EGFR: variants seen among roughly 807,000 people sequenced by gnomAD.
The protein encoded by EGFR is epidermal growth factor receptor, also known as avian erythroblastic leukemia viral (v-erb-b) oncogene homolog.
EGFR carries 58 observed loss-of-function variants against 143.0 expected under a neutral mutation model. The ratio of observed to expected loss-of-function variants is 0.41; its 90% CI spans 0.33 to 0.50. The LOEUF (loss-of-function observed/expected upper bound fraction) is 0.50. EGFR is among the 20% of genes least tolerant of loss of function. The pLI is 0.39. For synonymous variants in EGFR, 613 were observed against 594.4 expected (o/e 1.03, Z -0.45); for missense variants, 1,307 against 1,579.0 (o/e 0.83, Z 2.92).
At chr7:55,114,560 C>A (rs4947976) in intron 1 of EGFR, among the ~76,000 whole-genome samples, 76,120 of 151,936 alleles carry the variant, frequency 0.5, 19,900 homozygotes, top group East Asian at 0.69. Flanking sequence ...AATTTTATAT[C>A]TATGTATACA....
rs956194114 is a variant in EGFR at position 55,201,049 on chromosome 7, G to C, written c.2947-139G>C. On this transcript the variant is annotated intron_variant, in intron 24 of 27. Transcript: ENST00000275493. ...CATGAGGGGAGGCAGCTATAATTTA[G>C]AGAACCAAGGGGGATTTCATTATAA... 4.8e-6 allele frequency: 5 copies of C among 1,052,054 alleles called. No individual in the cohort carries two copies. The Admixed American group carries it at 9.7e-5, about 20-fold the overall frequency. 65.2% of individuals were successfully genotyped at this position (1,052,054 alleles called of 1,614,324 possible). A position where few individuals can be genotyped will look rare whatever the true frequency, so the allele number is the denominator to read the frequency against.
At chr7:55,115,689 C>T (rs1164399975) in intron 1 of EGFR, among the ~76,000 whole-genome samples, 1 of 152,142 alleles carries the variant, frequency 6.6e-6, no homozygotes. Flanking sequence ...GACCCAGTGA[C>T]TTACCTATGC....
At chr7:55,110,610 G>A (rs1792418485) in intron 1 of EGFR, among the ~76,000 whole-genome samples, 1 of 152,248 alleles carries the variant, frequency 6.6e-6, no homozygotes, top group Admixed American at 6.5e-5. Flanking sequence ...AAGTTCATAG[G>A]AGACTGTGTG....
At chr7:55,064,464 A>T (rs529463972) in intron 1 of EGFR, among the ~76,000 whole-genome samples, 1 of 152,374 alleles carries the variant, frequency 6.6e-6, no homozygotes, top group African/African-American at 2.4e-5. Context: ...ACTGTTTCAG[A>T]GTCCATTTTC....
chr7:55,036,277 G>C (rs897045124), intron 1 of EGFR, among the ~76,000 whole-genome samples: 4 of 93,718 alleles, frequency 4.3e-5, no homozygotes, highest in Admixed American at 1.2e-4. Flanking sequence ...TGTGTGGGGG[G>C]GGGGGGGTGG....
Position 55,198,848 on chromosome 7 carries a change from A to G in EGFR, c.2833A>G (p.Met945Val), listed in dbSNP as rs779164024. Residue 945 changes from methionine to valine, a missense_variant, in exon 23 of 28, where the codon ATG (methionine) becomes GTG (valine). By Grantham distance (21) the Met-to-Val change is conservative. This residue lies in a region of EGFR where 348 missense variants were observed against 451.5 expected (regional missense o/e 0.77). Coordinates refer to ENST00000275493, the MANE Select transcript of EGFR (RefSeq NM_005228.5). ...ACCCATATGTACCATCGATGTCTACATGATCATGGTCAAGTGTGAGTGACT... is the reference window on the plus strand; with the variant it reads ...ACCCATATGTACCATCGATGTCTACGTGATCATGGTCAAGTGTGAGTGACT... Reference protein sequence around the residue: ...QPPICTIDVYMIMVKCWMIDA... With the variant: ...QPPICTIDVYVIMVKCWMIDA... 5 of 1,614,192 alleles carry G rather than the reference A, an allele frequency of 3.1e-6. No individual in the cohort carries two copies. The highest frequency in any genetic ancestry group is 3.4e-6 in the Non-Finnish European group (4 of 1,180,026).
At chr7:55,102,142 T>A (rs977516801) in intron 1 of EGFR, among the ~76,000 whole-genome samples, 3 of 152,136 alleles carry the variant, frequency 2.0e-5, no homozygotes, top group Non-Finnish European at 4.4e-5. Context: ...GAAGCCCACT[T>A]ATGTGACCCA....
intron 15 of EGFR, among the ~76,000 whole-genome samples, chr7:55,170,117 C>G (rs1446175482): frequency 6.6e-6 from 1 of 152,138 alleles, no homozygotes; most frequent in East Asian, 1.9e-4. Flanking sequence ...AAAAGCACCA[C>G]AGGGGTAAGA....
At chr7:55,198,897 G>C (rs2128969002) in intron 23 of EGFR, 34 bp downstream of exon 23, 1 of 1,613,058 alleles carries the variant, frequency 6.2e-7, no homozygotes, top group Non-Finnish European at 8.5e-7. Context: ...ACACTGCCTA[G>C]CTGAGCCTTG....
Position 55,165,373 on chromosome 7 carries a change from C to T in EGFR, c.1816C>T (p.Leu606=), listed in dbSNP as rs143152775. 1.9e-6 allele frequency: 3 copies of T among 1,614,220 alleles called. No homozygotes were observed. The highest frequency in any genetic ancestry group is 2.2e-5 in the East Asian group (1 of 44,890). The change falls in exon 15 of 28, where the codon CTG becomes TTG. Residue 606 remains leucine, a synonymous_variant. Transcript: ENST00000275493. ...PAGVMGENNT[L]VWKYADAGHV... Reference sequence around the variant, plus strand: ...AGGAGTCATGGGAGAAAACAACACCCTGGTCTGGAAGTACGCAGACGCCGG... The same window carrying T: ...AGGAGTCATGGGAGAAAACAACACCTTGGTCTGGAAGTACGCAGACGCCGG...
intron 1 of EGFR, among the ~76,000 whole-genome samples, chr7:55,060,284 G>A (rs574673086): frequency 4.9e-4 from 74 of 152,056 alleles, no homozygotes; most frequent in Non-Finnish European, 7.4e-4. Context: ...GAATTTGTGT[G>A]GTTTCCTGAC....
intron 1 of EGFR, among the ~76,000 whole-genome samples, chr7:55,141,460 G>C (rs1000671016): frequency 1.3e-5 from 2 of 152,162 alleles, no homozygotes; most frequent in Non-Finnish European, 2.9e-5. Flanking sequence ...ATTGTATGCT[G>C]GTGGTGAGGG....
chr7:55,056,436 T>C (rs1033068008), intron 1 of EGFR, among the ~76,000 whole-genome samples: 1 of 152,222 alleles, frequency 6.6e-6, no homozygotes, highest in East Asian at 1.9e-4. Context: ...CTCAACAAAC[T>C]CATTTGAAAA....
chr7:55,199,281 A>G (rs1787748158), intron 23 of EGFR, among the ~76,000 whole-genome samples: 1 of 152,218 alleles, frequency 6.6e-6, no homozygotes, highest in Admixed American at 6.5e-5. Flanking sequence ...AACCTTTTAA[A>G]CCAGTGGATT....
intron 1 of EGFR, among the ~76,000 whole-genome samples, chr7:55,037,534 G>A (rs1458313024): frequency 6.6e-6 from 1 of 152,206 alleles, no homozygotes; most frequent in Admixed American, 6.5e-5. Flanking sequence ...TGTCTCATTT[G>A]AATACTTGTG....
chr7:55,134,917 T>C (rs1794054138), intron 1 of EGFR, among the ~76,000 whole-genome samples: 2 of 152,150 alleles, frequency 1.3e-5, no homozygotes, highest in Admixed American at 1.3e-4. Flanking sequence ...GCTGGCCCCA[T>C]GTCAATCAGA....
intron 1 of EGFR, among the ~76,000 whole-genome samples, chr7:55,071,682 T>TA (rs1006955240): frequency 2.0e-5 from 3 of 152,226 alleles, no homozygotes; most frequent in Non-Finnish European, 2.9e-5. Context: ...CCAAGGACTC[T>TA]AAAAAAAGAT....
intron 1 of EGFR, among the ~76,000 whole-genome samples, chr7:55,066,688 C>T (rs1180599196): frequency 6.6e-6 from 1 of 152,130 alleles, no homozygotes; most frequent in Non-Finnish European, 1.5e-5. Context: ...GTGGGGTTCA[C>T]GCAGGTTCTC....
rs781142203 is a variant in EGFR, at chr7:55,143,265, C to T, written c.241-40C>T. The T allele has an allele frequency of 9.9e-6, 16 of 1,613,016 alleles. No individual in the cohort carries two copies. In the East Asian group the frequency reaches 3.6e-4, roughly 36 times the overall value. The stretch of plus-strand genomic sequence containing the variant: ...TTTTAGACCTTGAGTTCTTGAGTTC[C>T]TCAAAAGAGAAATCACGCATTTATG... On this transcript the variant is annotated intron_variant, in intron 2 of 27. Coordinates refer to ENST00000275493, the MANE Select transcript of EGFR (RefSeq NM_005228.5).
Sources: allele counts gnomAD v4.1 joint callset (sites outside exome capture counted in the v4.1 genomes callset), GRCh38; gene constraint gnomAD v4.1.1; regional missense constraint gnomAD v4.1.1; transcripts MANE v1.5; gene names NCBI Gene and HGNC (gene_info 2026-07-23, HGNC 2026-07-21).